NAALADL2: variants seen among roughly 807,000 people sequenced by gnomAD.
The protein encoded by NAALADL2 is inactive N-acetylated-alpha-linked acidic dipeptidase-like protein 2.
Under a neutral mutation model 87.2 loss-of-function variants are expected in NAALADL2, and 76 were observed. That is an observed-to-expected ratio of 0.87 (90% CI 0.72 to 1.05). The LOEUF (loss-of-function observed/expected upper bound fraction) is 1.05. Among genes scored for constraint, NAALADL2 ranks in the 50% least tolerant of loss-of-function variants. NAALADL2 has a pLI of 0.00. For synonymous variants in NAALADL2, 354 were observed against 331.0 expected (o/e 1.07, Z -0.75); for missense variants, 1,089 against 945.8 (o/e 1.15, Z -1.99).
intron 6 of NAALADL2, among the ~76,000 whole-genome samples, chr3:175,461,905 A>G (rs1373844960): frequency 6.6e-6 from 1 of 152,126 alleles, no homozygotes; most frequent in African/African-American, 2.4e-5. Context: ...ATGAGACAAT[A>G]AAAAGATCAG....
At chr3:174,457,778 T>C (rs180893419) in intron 1 of NAALADL2, among the ~76,000 whole-genome samples, 273 of 152,112 alleles carry the variant, frequency 1.8e-3, no homozygotes, top group Non-Finnish European at 3.3e-3. Context: ...GCCATTGCAC[T>C]TCAGCCTGGG....
At chr3:175,048,934 C>G (rs1180806876) in intron 1 of NAALADL2, among the ~76,000 whole-genome samples, 1 of 152,018 alleles carries the variant, frequency 6.6e-6, no homozygotes, top group Admixed American at 6.6e-5. Context: ...TTTAGACAAA[C>G]CACTTAGTTT....
chr3:175,671,905 C>T (rs1734063150), intron 11 of NAALADL2, among the ~76,000 whole-genome samples: 1 of 151,956 alleles, frequency 6.6e-6, no homozygotes, highest in Non-Finnish European at 1.5e-5. Context: ...TATTCTAATT[C>T]ATTACTATGT....
intron 9 of NAALADL2, among the ~76,000 whole-genome samples, chr3:175,523,937 G>C (rs556404542): frequency 6.6e-6 from 1 of 152,318 alleles, no homozygotes; most frequent in East Asian, 1.9e-4. Context: ...TCATATCTAA[G>C]TGCAAAATAC....
intron 5 of NAALADL2, among the ~76,000 whole-genome samples, chr3:175,410,428 C>A (rs1044445595): frequency 6.6e-6 from 1 of 151,920 alleles, no homozygotes; most frequent in Non-Finnish European, 1.5e-5. Context: ...GATGTAGAAC[C>A]AAGAACTCCA....
intron 11 of NAALADL2, among the ~76,000 whole-genome samples, chr3:175,695,904 T>G (rs1042493983): frequency 6.6e-6 from 1 of 152,110 alleles, no homozygotes; most frequent in Non-Finnish European, 1.5e-5. Flanking sequence ...GGCAATACAA[T>G]GTCTACTTAA....
chr3:175,449,762 A>T lies in NAALADL2; in HGVS notation c.1234+2390A>T, dbSNP rs546506440. Among the ~76,000 whole-genome samples the T allele has an allele frequency of 2.0e-5, 3 of 152,324 alleles. No individual in the cohort carries two copies. In the Middle Eastern group the frequency reaches 0.01, roughly 518 times the overall value. On this transcript the variant is annotated intron_variant, in intron 6 of 13. Coordinates refer to ENST00000454872, the MANE Select transcript of NAALADL2 (RefSeq NM_207015.3). ...GATGACACTCTCCAGCTGCATTTCCATAATAAATTAACAACAGGCATGAAG... is the reference window on the plus strand; with the variant it reads ...GATGACACTCTCCAGCTGCATTTCCTTAATAAATTAACAACAGGCATGAAG...
intron 13 of NAALADL2, among the ~76,000 whole-genome samples, chr3:175,771,271 T>C (rs1391162790): frequency 6.6e-6 from 1 of 152,204 alleles, no homozygotes; most frequent in Non-Finnish European, 1.5e-5. Context: ...CCATTTATCT[T>C]AACTCATTAG....
chr3:174,843,637 TTA>T, intron 3 of NAALADL2, among the ~76,000 whole-genome samples: 2 of 152,172 alleles, frequency 1.3e-5, no homozygotes, highest in South Asian at 4.1e-4. Flanking sequence ...TAGTGCTCTA[TTA>T]ATCTGTAATC....
chr3:175,712,183 CATT>C (rs1740623201), intron 11 of NAALADL2, among the ~76,000 whole-genome samples: 1 of 151,920 alleles, frequency 6.6e-6, no homozygotes, highest in Non-Finnish European at 1.5e-5. Context: ...GCTATCAAAT[CATT>C]ATATCATAAA....
chr3:174,969,542 C>T (rs1743327222), intron 1 of NAALADL2, among the ~76,000 whole-genome samples: 1 of 152,184 alleles, frequency 6.6e-6, no homozygotes, highest in African/African-American at 2.4e-5. Context: ...GGGGAAATGA[C>T]ATTTGTATAT....
At chr3:175,634,190 C>A (rs1158966712) in intron 11 of NAALADL2, among the ~76,000 whole-genome samples, 8 of 151,840 alleles carry the variant, frequency 5.3e-5, no homozygotes, top group African/African-American at 1.9e-4. Context: ...TTAACCATTT[C>A]TGTAATTATT....
chr3:174,678,515 G>A (rs932981571), intron 2 of NAALADL2, among the ~76,000 whole-genome samples: 1 of 152,064 alleles, frequency 6.6e-6, no homozygotes, highest in African/African-American at 2.4e-5. Flanking sequence ...ATTGTTTCAT[G>A]TTATTACCGG....
At position 175,122,998 on chromosome 3, in the gene NAALADL2, C is replaced by A. The variant is rs544012364; in HGVS notation, c.545+25707C>A. Among the ~76,000 whole-genome samples, 143 of 151,904 alleles carry A rather than the reference C, an allele frequency of 9.4e-4. 3 individuals carry two copies. In the South Asian group the frequency reaches 0.029, roughly 31 times the overall value. On this transcript the variant is annotated intron_variant, in intron 2 of 13. Transcript: ENST00000454872. ...CTCATCTTTTTATAAGGAACCCATT[C>A]CTATGATAATGAACCCATTTTCATG...
intron 1 of NAALADL2, among the ~76,000 whole-genome samples, chr3:175,024,807 A>G (rs907794864): frequency 6.6e-6 from 1 of 152,090 alleles, no homozygotes; most frequent in Non-Finnish European, 1.5e-5. Flanking sequence ...CTCATTTGTC[A>G]GAGTAACATG....
intron 13 of NAALADL2, among the ~76,000 whole-genome samples, chr3:175,777,501 A>G (rs757626926): frequency 2.3e-4 from 35 of 152,094 alleles, no homozygotes; most frequent in Non-Finnish European, 4.6e-4. Flanking sequence ...TATCACTGTT[A>G]ATTTATGCAA....
At chr3:175,026,394 C>A (rs1244304329) in intron 1 of NAALADL2, among the ~76,000 whole-genome samples, 2 of 151,312 alleles carry the variant, frequency 1.3e-5, no homozygotes, top group Non-Finnish European at 1.5e-5. Flanking sequence ...CATCTGTAAT[C>A]CCAGCACTTT....
intron 1 of NAALADL2, among the ~76,000 whole-genome samples, chr3:174,989,069 A>T (rs1419551728): frequency 6.6e-6 from 1 of 152,162 alleles, no homozygotes; most frequent in African/African-American, 2.4e-5. Flanking sequence ...GAGAGAGGGA[A>T]GGGAGATACC....
chr3:174,929,008 A>G (rs1223989649), intron 1 of NAALADL2, among the ~76,000 whole-genome samples: 2 of 152,180 alleles, frequency 1.3e-5, no homozygotes, highest in Non-Finnish European at 2.9e-5. Context: ...TTAATTAGAT[A>G]TTTAATTTTG....
Sources: gnomAD v4.1 joint callset for allele counts (sites outside exome capture counted in the v4.1 genomes callset) on GRCh38, gnomAD v4.1.1 for gene constraint, MANE v1.5 for transcripts, NCBI Gene and HGNC (gene_info 2026-07-23, HGNC 2026-07-21) for gene names.